The following CHRM3 variants were observed in gnomAD, a reference collection of about 807,000 sequenced individuals.
CHRM3 encodes the protein muscarinic acetylcholine receptor M3.
A neutral mutation model predicts 41.8 loss-of-function variants in CHRM3; 11 were observed. The observed-to-expected ratio is 0.26, with a 90% CI of 0.17 to 0.44. The LOEUF is 0.44. CHRM3 is among the 20% of genes least tolerant of loss of function. The pLI is 1.00. For synonymous variants in CHRM3, 297 were observed against 301.4 expected (o/e 0.99, Z 0.15); for missense variants, 571 against 745.4 (o/e 0.77, Z 2.72).
intron 4 of CHRM3, among the ~76,000 whole-genome samples, chr1:239,643,783 C>T (rs367664978): frequency 1.3e-5 from 2 of 152,204 alleles, no homozygotes; most frequent in Admixed American, 6.5e-5. Context: ...CACTGTCCTG[C>T]GCCCACTGTC....
chr1:239,700,227 A>G (rs1225425943), intron 5 of CHRM3, among the ~76,000 whole-genome samples: 1 of 152,096 alleles, frequency 6.6e-6, no homozygotes, highest in Non-Finnish European at 1.5e-5. Context: ...GGTGTGATAT[A>G]ATGTTAGAAT....
At chr1:239,471,288 G>GGA (rs1434061350) in intron 1 of CHRM3, among the ~76,000 whole-genome samples, 1 of 151,654 alleles carries the variant, frequency 6.6e-6, no homozygotes, top group Non-Finnish European at 1.5e-5. Context: ...CTGAGCTAGA[G>GGA]GAGAGAGCTG....
rs183886755 is a variant in CHRM3, at chr1:239,560,200, A to G, written c.-313+14451A>G. 3.3e-4 allele frequency among the ~76,000 whole-genome samples: 50 copies of G among 152,294 alleles called. 1 individual carries two copies. Among genetic ancestry groups the G allele is most frequent in the Admixed American group, 2.8e-3 (43 of 15,290 alleles). Reference sequence around the variant, plus strand: ...TATCAATACTTTCAGATTCTCAGTAACTTTACAATAATGTTAGGAAATTAA... The same window carrying G: ...TATCAATACTTTCAGATTCTCAGTAGCTTTACAATAATGTTAGGAAATTAA... On this transcript the variant is annotated intron_variant, in intron 3 of 6. Transcript: ENST00000676153.
chr1:239,908,936 G>T lies in CHRM3; in HGVS notation c.1485G>T (p.Ala495=). 6.2e-7 allele frequency: 1 copy of T among 1,614,128 alleles called. No individual in the cohort carries two copies. Among genetic ancestry groups the T allele is most frequent in the Non-Finnish European group, 8.5e-7 (1 of 1,180,030 alleles). ...KEKKAAQTLS[A]ILLAFIITWT... ...AGAAAGCGGCCCAGACCCTCAGTGC[G>T]ATCTTGCTTGCCTTCATCATCACTT... Residue 495 remains alanine, a synonymous_variant, in exon 7 of 7, where the codon GCG becomes GCT. Coordinates refer to ENST00000676153, the MANE Select transcript of CHRM3 (RefSeq NM_001375978.1). The surrounding 1 kb of genome is among the most constrained non-coding windows in gnomAD (Gnocchi z 7.2).
At chr1:239,719,841 C>T (rs908904997) in intron 5 of CHRM3, among the ~76,000 whole-genome samples, 2 of 151,986 alleles carry the variant, frequency 1.3e-5, no homozygotes, top group African/African-American at 4.8e-5. Context: ...AAACCACATC[C>T]TTCCTGCTGC....
chr1:239,895,481 T>C (rs1678918583), intron 6 of CHRM3, among the ~76,000 whole-genome samples: 1 of 152,216 alleles, frequency 6.6e-6, no homozygotes. Context: ...GGGTAACTAT[T>C]ACAAATTGTT....
chr1:239,652,010 C>G (rs568528701), intron 4 of CHRM3, among the ~76,000 whole-genome samples: 3 of 146,604 alleles, frequency 2.0e-5, no homozygotes, highest in African/African-American at 7.5e-5. Flanking sequence ...TTTGATGCAG[C>G]TACAAGGCCA....
chr1:239,845,901 T>C (rs1674223049), intron 6 of CHRM3, among the ~76,000 whole-genome samples: 1 of 152,208 alleles, frequency 6.6e-6, no homozygotes, highest in Non-Finnish European at 1.5e-5. Flanking sequence ...AAGAATTGCC[T>C]TTATAGAATT....
intron 4 of CHRM3, among the ~76,000 whole-genome samples, chr1:239,655,030 A>G (rs1243628639): frequency 2.0e-5 from 3 of 152,202 alleles, no homozygotes; most frequent in Admixed American, 6.5e-5. Context: ...ATCTTTAGAT[A>G]TGTTTTTTAT....
intron 1 of CHRM3, among the ~76,000 whole-genome samples, chr1:239,392,051 A>G (rs1043167170): frequency 3.3e-5 from 5 of 152,148 alleles, no homozygotes; most frequent in African/African-American, 1.2e-4. Flanking sequence ...TTGCACTTTC[A>G]GTACTGGATT....
chr1:239,466,563 A>G (rs1191352058), intron 1 of CHRM3, among the ~76,000 whole-genome samples: 1 of 151,898 alleles, frequency 6.6e-6, no homozygotes, highest in Non-Finnish European at 1.5e-5. Context: ...TAACTCCCAC[A>G]TTATTTAAGG....
At chr1:239,495,722 A>G (rs1307122702) in intron 2 of CHRM3, among the ~76,000 whole-genome samples, 1 of 152,168 alleles carries the variant, frequency 6.6e-6, no homozygotes, top group Non-Finnish European at 1.5e-5. Context: ...AACAATTGCT[A>G]TTGTGAGGAA....
At chr1:239,690,130 T>C (rs1659572482) in intron 5 of CHRM3, among the ~76,000 whole-genome samples, 1 of 152,126 alleles carries the variant, frequency 6.6e-6, no homozygotes, top group Admixed American at 6.6e-5. Context: ...CCTTCTGCCA[T>C]ACCATCCAGA....
intron 3 of CHRM3, among the ~76,000 whole-genome samples, chr1:239,603,925 A>G (rs1665920503): frequency 6.6e-6 from 1 of 152,106 alleles, no homozygotes; most frequent in Non-Finnish European, 1.5e-5. Context: ...TCCAAGTTCT[A>G]TTTTGTTTTC....
At chr1:239,587,280 A>C (rs903181801) in intron 3 of CHRM3, among the ~76,000 whole-genome samples, 2 of 152,156 alleles carry the variant, frequency 1.3e-5, no homozygotes, top group Non-Finnish European at 2.9e-5. Context: ...CTCACTTCCC[A>C]TTGAAGGGAC....
chr1:239,558,118 C>T (rs1006897919), intron 3 of CHRM3, among the ~76,000 whole-genome samples: 1 of 152,158 alleles, frequency 6.6e-6, no homozygotes, highest in Admixed American at 6.5e-5. Flanking sequence ...AAAAGCATTC[C>T]TATTTCTCTG....
intron 1 of CHRM3, among the ~76,000 whole-genome samples, chr1:239,478,888 A>G (rs567895919): frequency 6.6e-6 from 1 of 152,228 alleles, no homozygotes; most frequent in South Asian, 2.1e-4. Context: ...TCACAAATTA[A>G]AAAGAGACAG....
At chr1:239,489,950 G>A (rs1461423601) in intron 1 of CHRM3, among the ~76,000 whole-genome samples, 2 of 152,116 alleles carry the variant, frequency 1.3e-5, no homozygotes, top group African/African-American at 2.4e-5. Flanking sequence ...GCTAAAGAGA[G>A]CAGATGTTAA....
At chr1:239,536,137 T>C (rs1021410082) in intron 2 of CHRM3, among the ~76,000 whole-genome samples, 12 of 152,176 alleles carry the variant, frequency 7.9e-5, no homozygotes, top group African/African-American at 2.9e-4. Flanking sequence ...AGTGACAACA[T>C]TGAATTTATG....
Sources: allele counts gnomAD v4.1 joint callset (sites outside exome capture counted in the v4.1 genomes callset), GRCh38; gene constraint gnomAD v4.1.1; non-coding constraint Gnocchi (gnomAD v3.1); transcripts MANE v1.5; gene names NCBI Gene and HGNC (gene_info 2026-07-23, HGNC 2026-07-21).